Variants in TCF12 observed in about 807,000 individuals in gnomAD.
The protein encoded by TCF12 is transcription factor 12.
In TCF12, 45 loss-of-function variants were observed where a neutral mutation model predicts 86.0. That is an observed-to-expected ratio of 0.52 (90% CI 0.41 to 0.67). TCF12 has a LOEUF of 0.67. Ranked by LOEUF, TCF12 falls within the 30% of genes least tolerant of loss-of-function variation. The pLI is 0.00. For synonymous variants in TCF12, 330 were observed against 299.6 expected (o/e 1.10, Z -1.05); for missense variants, 881 against 859.9 (o/e 1.02, Z -0.31).
intron 5 of TCF12, among the ~76,000 whole-genome samples, chr15:57,117,865 T>A (rs1308500465): frequency 6.6e-6 from 1 of 152,206 alleles, no homozygotes; most frequent in Non-Finnish European, 1.5e-5. Context: ...TGCAGATATT[T>A]TATAAAAATT....
intron 13 of TCF12, among the ~76,000 whole-genome samples, chr15:57,249,293 T>C (rs1321409424): frequency 6.6e-6 from 1 of 152,160 alleles, no homozygotes; most frequent in Admixed American, 6.5e-5. Flanking sequence ...CCACAAGCTT[T>C]TGTTTCAATG....
intron 3 of TCF12, among the ~76,000 whole-genome samples, chr15:57,051,176 TG>T (rs2067586364): frequency 6.6e-6 from 1 of 152,202 alleles, no homozygotes; most frequent in South Asian, 2.1e-4. Flanking sequence ...TTTTATGCTT[TG>T]TTAAGGCAGG....
chr15:57,201,336 A>G (rs1175241081), intron 8 of TCF12, among the ~76,000 whole-genome samples: 1 of 152,210 alleles, frequency 6.6e-6, no homozygotes, highest in Non-Finnish European at 1.5e-5. Flanking sequence ...GACATAGGGT[A>G]GGTAGAACTA....
rs2062008866 is a variant in TCF12, at chr15:57,288,673, C to T, written c.*2528C>T. 6.6e-6 allele frequency: 1 copy of T among 152,256 alleles called. No homozygotes were observed. Among genetic ancestry groups the T allele is most frequent in the Admixed American group, 6.5e-5 (1 of 15,294 alleles). 9.4% of individuals were successfully genotyped at this position (152,256 alleles called of 1,614,324 possible). A position where few individuals can be genotyped will look rare whatever the true frequency, so the allele number is the denominator to read the frequency against. On this transcript the variant is annotated 3_prime_UTR_variant, in exon 21 of 21. Transcript: ENST00000333725. ...TCAGGACAGAATCAGGCTTGTGGAG[C>T]TAAGTTGGCAATCTGGTCTAGAGCT...
intron 6 of TCF12, among the ~76,000 whole-genome samples, chr15:57,183,248 A>G (rs989981534): frequency 1.3e-5 from 2 of 152,206 alleles, no homozygotes; most frequent in South Asian, 2.1e-4. Context: ...CCACATTTGT[A>G]TATACACATT....
intron 3 of TCF12, among the ~76,000 whole-genome samples, chr15:56,922,830 T>C (rs1206510770): frequency 6.6e-6 from 1 of 151,984 alleles, no homozygotes; most frequent in Non-Finnish European, 1.5e-5. Context: ...CAAATCAAGA[T>C]GTACTGGTAG....
intron 5 of TCF12, among the ~76,000 whole-genome samples, chr15:57,093,178 A>T (rs2049101738): frequency 6.6e-6 from 1 of 152,164 alleles, no homozygotes; most frequent in Admixed American, 6.5e-5. Flanking sequence ...CATTCCAGAT[A>T]AAAAAATCAG....
chr15:56,951,220 T>C (rs552864105), intron 3 of TCF12, among the ~76,000 whole-genome samples: 1 of 152,338 alleles, frequency 6.6e-6, no homozygotes, highest in African/African-American at 2.4e-5. Flanking sequence ...TGTATGGTTA[T>C]TCATTTTAAT....
At chr15:57,077,266 G>A (rs2070154240) in intron 4 of TCF12, among the ~76,000 whole-genome samples, 1 of 150,400 alleles carries the variant, frequency 6.6e-6, no homozygotes, top group Non-Finnish European at 1.5e-5. Flanking sequence ...GGAGGCTTTT[G>A]ATTCATGCAT....
intron 5 of TCF12, among the ~76,000 whole-genome samples, chr15:57,136,958 GTTTTTTTTTTTGTTTTTTTT>G (rs1277603963): frequency 1.8e-4 from 15 of 82,998 alleles, no homozygotes; most frequent in Non-Finnish European, 2.4e-4. Flanking sequence ...GCTTCTGGCA[GTTTTTTTTTTTGTTTTTTTT>G]TTTTTTTTTT....
Position 57,231,054 on chromosome 15 carries a change from T to G in TCF12, c.580-98T>G. 4 of 806,142 alleles carry G rather than the reference T, an allele frequency of 5.0e-6. No individual in the cohort carries two copies. In the South Asian group the frequency reaches 7.0e-5, roughly 14 times the overall value. The allele number at this position is 806,142 out of a possible 1,614,324, so 49.9% of individuals were successfully genotyped here. ...GTGGTAGCCCTTTATAAAAATTAGATAGGCCTTTTTAAGCCCCTTACAGAA... is the reference window on the plus strand; with the variant it reads ...GTGGTAGCCCTTTATAAAAATTAGAGAGGCCTTTTTAAGCCCCTTACAGAA... On this transcript the variant is annotated intron_variant, in intron 8 of 20. Transcript: ENST00000333725.
In TCF12 at chr15:57,251,298, A is replaced by G. The variant is rs538219251; in HGVS notation, c.1115-52A>G. ...TCTTTACCCTTTCCTTCACAACATT[A>G]TCAAGATCACTGAGTTAACCCAGGT... On this transcript the variant is annotated intron_variant, in intron 13 of 20. Transcript: ENST00000333725. 7.5e-6 allele frequency: 11 copies of G among 1,466,994 alleles called. No homozygotes were observed. In the African/African-American group the frequency reaches 1.4e-4, roughly 19 times the overall value. The allele number at this position is 1,466,994 out of a possible 1,614,324, so 90.9% of individuals were successfully genotyped here.
At chr15:57,187,697 T>C (rs1419773765) in intron 6 of TCF12, among the ~76,000 whole-genome samples, 7 of 151,978 alleles carry the variant, frequency 4.6e-5, no homozygotes, top group Non-Finnish European at 1.0e-4. Context: ...TTTGGGAGGC[T>C]GAGGTGGGTG....
Position 57,231,005 on chromosome 15 carries a change from A to G in TCF12, c.580-147A>G. The stretch of plus-strand genomic sequence containing the variant: ...ATTAAGTTTGACATTATTTATGTGG[A>G]TTTAGGCAGTATTCTTTTCATTTGT... On this transcript the variant is annotated intron_variant, in intron 8 of 20. Transcript: ENST00000333725. 5.2e-6 allele frequency: 3 copies of G among 576,958 alleles called. 1 individual carries two copies. In the South Asian group the frequency reaches 7.2e-5, roughly 14 times the overall value. The allele number at this position is 576,958 out of a possible 1,614,324, so 35.7% of individuals were successfully genotyped here. A position where few individuals can be genotyped will look rare whatever the true frequency, so the allele number is the denominator to read the frequency against.
At chr15:57,203,443 A>G (rs1393929649) in intron 8 of TCF12, among the ~76,000 whole-genome samples, 3 of 152,200 alleles carry the variant, frequency 2.0e-5, no homozygotes, top group African/African-American at 7.2e-5. Flanking sequence ...ATATATCAGA[A>G]CAAGTCTTTC....
At chr15:57,256,487 A>C (rs1566997327) in intron 16 of TCF12, among the ~76,000 whole-genome samples, 2 of 152,122 alleles carry the variant, frequency 1.3e-5, no homozygotes, top group African/African-American at 4.8e-5. Context: ...ACAACAATAC[A>C]TCCTCCTAAC....
intron 16 of TCF12, 108 bp from the exon 17 acceptor site, chr15:57,261,986 A>T: frequency 1.6e-6 from 1 of 637,372 alleles, no homozygotes; most frequent in Non-Finnish European, 2.5e-6. Context: ...TGCTGAAATC[A>T]GATGAGTGAC....
At chr15:57,208,503 C>T (rs1347073708) in intron 8 of TCF12, among the ~76,000 whole-genome samples, 4 of 149,868 alleles carry the variant, frequency 2.7e-5, no homozygotes, top group Non-Finnish European at 5.9e-5. Context: ...ACACCTCAGC[C>T]TCCCGAGTAG....
At chr15:57,157,718 A>G (rs2054213069) in intron 5 of TCF12, among the ~76,000 whole-genome samples, 1 of 151,694 alleles carries the variant, frequency 6.6e-6, no homozygotes, top group Admixed American at 6.6e-5. Context: ...GTGCACCACT[A>G]CACCGAGCTA....
Sources: allele counts gnomAD v4.1 joint callset (sites outside exome capture counted in the v4.1 genomes callset), GRCh38; gene constraint gnomAD v4.1.1; transcripts MANE v1.5; gene names NCBI Gene and HGNC (gene_info 2026-07-23, HGNC 2026-07-21).